Variants in LIMCH1 observed in about 807,000 individuals in gnomAD.
LIMCH1 encodes LIM and calponin homology domains-containing protein 1.
In LIMCH1, 113 loss-of-function variants were observed where a neutral mutation model predicts 176.5. The ratio of observed to expected loss-of-function variants is 0.64; its 90% CI spans 0.55 to 0.75. LIMCH1 has a LOEUF of 0.75. Ranked by LOEUF, LIMCH1 falls within the 30% of genes least tolerant of loss-of-function variation. The probability of loss-of-function intolerance (pLI) is 0.00; values close to 1 mark genes in which losing one functional copy is unlikely to be tolerated. For missense variants in LIMCH1, 1,674 were observed against 1,814.9 expected (o/e 0.92, Z 1.41); for synonymous variants, 619 against 645.9 (o/e 0.96, Z 0.63).
intron 1 of LIMCH1, among the ~76,000 whole-genome samples, chr4:41,376,694 A>G (rs1056891413): frequency 4.6e-5 from 7 of 152,340 alleles, no homozygotes; most frequent in Admixed American, 4.6e-4. Context: ...AGGGTAAGAC[A>G]TATTTCTGGG....
intron 1 of LIMCH1, among the ~76,000 whole-genome samples, chr4:41,412,714 C>A (rs2059600085): frequency 1.3e-5 from 2 of 152,126 alleles, no homozygotes. Context: ...GACCAAGAGA[C>A]TCTGGGGAAG....
intron 7 of LIMCH1, among the ~76,000 whole-genome samples, chr4:41,625,859 G>T (rs2092917138): frequency 6.6e-6 from 1 of 152,118 alleles, no homozygotes; most frequent in African/African-American, 2.4e-5. Context: ...AGTTGGGGGA[G>T]GTTGGAGCCC....
intron 2 of LIMCH1, among the ~76,000 whole-genome samples, chr4:41,502,844 A>G (rs1311690116): frequency 1.3e-5 from 2 of 151,842 alleles, no homozygotes; most frequent in South Asian, 4.2e-4. Flanking sequence ...TAGAAATGCA[A>G]CTGAAACCAG....
intron 1 of LIMCH1, among the ~76,000 whole-genome samples, chr4:41,395,158 A>G (rs1249369360): frequency 6.6e-6 from 1 of 152,150 alleles, no homozygotes; most frequent in Non-Finnish European, 1.5e-5. Context: ...TACCTTGGAG[A>G]ACTATAATTT....
chr4:41,623,518 C>G (rs10938154), intron 7 of LIMCH1, among the ~76,000 whole-genome samples: 110,957 of 152,066 alleles, frequency 0.73, 42,154 homozygotes, highest in East Asian at 0.87. Context: ...AGCACTTTGG[C>G]AGGCCGAGGC....
At chr4:41,692,517 A>G in intron 31 of LIMCH1, 133 bp downstream of exon 31, 1 of 601,020 alleles carries the variant, frequency 1.7e-6, no homozygotes, top group Middle Eastern at 2.9e-4. Flanking sequence ...CTTAACATCT[A>G]GGTTAAAAAA....
chr4:41,381,879 G>A (rs890395675), intron 1 of LIMCH1, among the ~76,000 whole-genome samples: 28 of 152,046 alleles, frequency 1.8e-4, no homozygotes, highest in Non-Finnish European at 2.6e-4. Flanking sequence ...ATTGTGTTTT[G>A]GGGAGCTGTT....
intron 1 of LIMCH1, among the ~76,000 whole-genome samples, chr4:41,371,933 G>T (rs1348457175): frequency 2.0e-5 from 3 of 152,156 alleles, no homozygotes; most frequent in Non-Finnish European, 4.4e-5. Context: ...TGCTTGGTAA[G>T]GTGCAAGTTG....
chr4:41,688,784 C>T (rs1227379119), intron 29 of LIMCH1: 1 of 152,358 alleles, frequency 6.6e-6, no homozygotes, highest in Non-Finnish European at 1.5e-5. Flanking sequence ...CATTGCTGGG[C>T]ACTGTACTGG....
intron 22 of LIMCH1, 116 bp downstream of exon 22, chr4:41,671,710 C>T: frequency 1.3e-6 from 1 of 755,152 alleles, no homozygotes; most frequent in Admixed American, 2.1e-5. Context: ...CGCCTGTAAT[C>T]CCAACACTTT....
At chr4:41,554,385 G>T (rs1490935006) in intron 1 of LIMCH1, among the ~76,000 whole-genome samples, 1 of 152,148 alleles carries the variant, frequency 6.6e-6, no homozygotes, top group Admixed American at 6.6e-5. Flanking sequence ...GCAATGCCAG[G>T]CATGTGCTCA....
At chr4:41,467,229 A>C (rs891646190) in intron 1 of LIMCH1, among the ~76,000 whole-genome samples, 2 of 151,252 alleles carry the variant, frequency 1.3e-5, no homozygotes, top group South Asian at 4.2e-4. Context: ...TGCATCCATC[A>C]AGGGACATTT....
intron 1 of LIMCH1, among the ~76,000 whole-genome samples, chr4:41,446,040 C>T (rs566268313): frequency 1.3e-5 from 2 of 152,196 alleles, no homozygotes; most frequent in East Asian, 3.8e-4. Context: ...TCTGAAGCCT[C>T]AGTACATTGG....
chr4:41,361,206 C>G (rs1027487683), intron 1 of LIMCH1, among the ~76,000 whole-genome samples: 1 of 152,242 alleles, frequency 6.6e-6, no homozygotes, highest in Non-Finnish European at 1.5e-5. Context: ...GTCCATCCTT[C>G]CTGCCCGCTG....
chr4:41,414,991 C>T (rs545785316), intron 1 of LIMCH1, among the ~76,000 whole-genome samples: 5 of 152,210 alleles, frequency 3.3e-5, no homozygotes, highest in African/African-American at 9.6e-5. Context: ...AACCTCATCC[C>T]CCCTCCTCCA....
At chr4:41,379,069 A>G (rs1471945500) in intron 1 of LIMCH1, among the ~76,000 whole-genome samples, 1 of 152,238 alleles carries the variant, frequency 6.6e-6, no homozygotes, top group Non-Finnish European at 1.5e-5. Context: ...AGCCCAAAAC[A>G]CAGTAGCTTA....
rs747438665 is a variant in LIMCH1 at position 41,682,368 on chromosome 4, A to C, written c.3753A>C (p.Lys1251Asn). 20 of 1,612,704 alleles carry C rather than the reference A, an allele frequency of 1.2e-5. No individual in the cohort carries two copies. The highest frequency in any genetic ancestry group is 1.7e-5 in the Non-Finnish European group (20 of 1,178,976). Reference sequence around the variant, plus strand: ...ACCTGGGAAACTGTCAAGATGAAAAACAAGACAGAAGATGGAAGAAATCAT... The same window carrying C: ...ACCTGGGAAACTGTCAAGATGAAAACCAAGACAGAAGATGGAAGAAATCAT... ...KIDLGNCQDE[K>N]QDRRWKKSFQ... is the part of the protein sequence containing the mutation. Residue 1251 changes from lysine to asparagine, a missense_variant, in exon 26 of 32, where the codon AAA (lysine) becomes AAC (asparagine). Physicochemically the swap from Lys to Asn is moderately conservative, Grantham distance 94 (BLOSUM62 0). Coordinates refer to ENST00000503057, the MANE Select transcript of LIMCH1 (RefSeq NM_001330672.2).
In LIMCH1 at chr4:41,501,857, CTTTT is replaced by C. The variant is rs71198662; in HGVS notation, c.167+7277_167+7280del. 6.4e-3 allele frequency among the ~76,000 whole-genome samples: 482 copies of C among 74,946 alleles called. 1 individual carries two copies. The highest frequency in any genetic ancestry group is 9.8e-3 in the Middle Eastern group (1 of 102). 49.2% of individuals were successfully genotyped at this position (74,946 alleles called of 152,430 possible). The stretch of plus-strand genomic sequence containing the variant: ...CACTCTCATCTCCCGGTGTAGAATC[CTTTT>C]TTTTTTTTTTTTTTTTTTTTTTTTT... On this transcript the variant is annotated intron_variant, in intron 2 of 26. Transcript: ENST00000313860.
At chr4:41,531,649 T>C (rs7698685) in intron 3 of LIMCH1, among the ~76,000 whole-genome samples, 2 of 152,154 alleles carry the variant, frequency 1.3e-5, no homozygotes, top group African/African-American at 4.8e-5. Flanking sequence ...AATGGTTAGC[T>C]CTTTCCAGTG....
Sources: allele counts gnomAD v4.1 joint callset (sites outside exome capture counted in the v4.1 genomes callset), GRCh38; gene constraint gnomAD v4.1.1; transcripts MANE v1.5; gene names NCBI Gene and HGNC (gene_info 2026-07-23, HGNC 2026-07-21).